The following VAMP7 variants were observed in gnomAD, a reference collection of about 807,000 sequenced individuals.
The protein encoded by VAMP7 is vesicle-associated membrane protein 7.
VAMP7 carries 14 observed loss-of-function variants against 29.6 expected under a neutral mutation model. The observed-to-expected ratio is 0.47, with a 90% CI of 0.31 to 0.74. The LOEUF (loss-of-function observed/expected upper bound fraction) is 0.74, where lower values mean the gene tolerates loss of function less well. Ranked by LOEUF, VAMP7 falls within the 30% of genes least tolerant of loss-of-function variation. The pLI, the probability that VAMP7 is intolerant of heterozygous loss-of-function variation, is 0.05. For synonymous variants in VAMP7, 95 were observed against 88.1 expected, an observed-to-expected ratio of 1.08 and a Z score of -0.44; for missense variants, 223 against 262.4, an observed-to-expected ratio of 0.85 and a Z score of 1.04.
intron 6 of VAMP7, among the ~76,000 whole-genome samples, chrX:155,930,953 A>T (rs1455968461): frequency 1.3e-5 from 2 of 151,970 alleles, no homozygotes; most frequent in African/African-American, 2.4e-5. Context: ...GAGTGAGAAC[A>T]TGTGGTGTTT....
intron 6 of VAMP7, among the ~76,000 whole-genome samples, chrX:155,925,900 G>T (rs374703722): frequency 5.3e-5 from 8 of 152,090 alleles, no homozygotes; most frequent in African/African-American, 1.9e-4. Context: ...GCATGAAAAC[G>T]ACATTTATCT....
chrX:155,902,044 T>G (rs2066070428), intron 5 of VAMP7, among the ~76,000 whole-genome samples: 1 of 152,150 alleles, frequency 6.6e-6, no homozygotes, highest in South Asian at 2.1e-4. Flanking sequence ...CTCTTTTATT[T>G]CACTGAGCAG....
chrX:155,928,279 T>C (rs188390711), intron 6 of VAMP7, among the ~76,000 whole-genome samples: 1 of 152,316 alleles, frequency 6.6e-6, no homozygotes, highest in Non-Finnish European at 1.5e-5. Context: ...TTTTTATATA[T>C]GGTTATTAGC....
chrX:155,911,850 G>GT (rs1303804781), intron 5 of VAMP7, among the ~76,000 whole-genome samples: 2 of 152,070 alleles, frequency 1.3e-5, no homozygotes, highest in Non-Finnish European at 2.9e-5. Context: ...AGATCTAGGA[G>GT]TTTTTTGGTG....
At chrX:155,894,127 C>T (rs1300179100) in intron 2 of VAMP7, among the ~76,000 whole-genome samples, 2 of 152,128 alleles carry the variant, frequency 1.3e-5, no homozygotes, top group Non-Finnish European at 2.9e-5. Flanking sequence ...CTGTCTCACG[C>T]CAGTCACCAA....
intron 6 of VAMP7, among the ~76,000 whole-genome samples, chrX:155,935,724 C>A (rs2066642199): frequency 6.6e-6 from 1 of 152,128 alleles, no homozygotes; most frequent in South Asian, 2.1e-4. Flanking sequence ...CTCTGTCTAC[C>A]TTTGTTCTGT....
intron 5 of VAMP7, among the ~76,000 whole-genome samples, chrX:155,904,146 A>G (rs1011542243): frequency 6.8e-6 from 1 of 146,306 alleles, no homozygotes; most frequent in African/African-American, 2.5e-5. Flanking sequence ...ATAGGTGAGA[A>G]TTGAACAATG....
chrX:155,940,475 G>C (rs2066727682), intron 7 of VAMP7, among the ~76,000 whole-genome samples: 1 of 152,158 alleles, frequency 6.6e-6, no homozygotes, highest in Admixed American at 6.5e-5. Flanking sequence ...TAATTGTCAT[G>C]GCCTTGAATG....
At chrX:155,898,838 T>C (rs1457430194) in intron 4 of VAMP7, among the ~76,000 whole-genome samples, 1 of 152,124 alleles carries the variant, frequency 6.6e-6, no homozygotes, top group African/African-American at 2.4e-5. Flanking sequence ...TTGTCTTTCA[T>C]AGAACTTTCT....
intron 6 of VAMP7, among the ~76,000 whole-genome samples, chrX:155,930,166 T>C (rs180841973): frequency 6.6e-6 from 1 of 151,768 alleles, no homozygotes; most frequent in Admixed American, 6.6e-5. Context: ...GTGTTCAGAG[T>C]TTTTATTGGG....
intron 2 of VAMP7, among the ~76,000 whole-genome samples, chrX:155,892,726 A>G (rs1009288089): frequency 6.8e-5 from 10 of 146,682 alleles, no homozygotes; most frequent in African/African-American, 2.3e-4. Flanking sequence ...TTCATATTGT[A>G]ACACTTTTCA....
Position 155,942,211 on chromosome X carries a change from T to C in VAMP7, c.*260T>C, listed in dbSNP as rs765397649. The C allele has an allele frequency of 1.3e-4, 192 of 1,503,024 alleles. No homozygotes were observed. Among genetic ancestry groups the C allele is most frequent in the Middle Eastern group, 1.7e-4 (1 of 5,774 alleles). 93.1% of individuals were successfully genotyped at this position (1,503,024 alleles called of 1,614,324 possible). A position where few individuals can be genotyped will look rare whatever the true frequency, so the allele number is the denominator to read the frequency against. On this transcript the variant is annotated 3_prime_UTR_variant, in exon 8 of 8. Coordinates refer to ENST00000286448, the MANE Select transcript of VAMP7 (RefSeq NM_005638.6). ...TTGTTTATTTCTTTGGTTTGTTAACTAGTGTCATCTATTTAGAGAAACATT... is the reference window on the plus strand; with the variant it reads ...TTGTTTATTTCTTTGGTTTGTTAACCAGTGTCATCTATTTAGAGAAACATT...
At chrX:155,911,618 C>T (rs1400476643) in intron 5 of VAMP7, among the ~76,000 whole-genome samples, 1 of 151,932 alleles carries the variant, frequency 6.6e-6, no homozygotes, top group Admixed American at 6.6e-5. Context: ...GTGTCATCTT[C>T]AGTTTTTTTC....
At chrX:155,909,111 G>A (rs2066195973) in intron 5 of VAMP7, among the ~76,000 whole-genome samples, 1 of 152,152 alleles carries the variant, frequency 6.6e-6, no homozygotes, top group Non-Finnish European at 1.5e-5. Context: ...ACAGGCATGA[G>A]CCTCCATGCC....
At chrX:155,931,469 G>A (rs755972918) in intron 6 of VAMP7, among the ~76,000 whole-genome samples, 1 of 152,164 alleles carries the variant, frequency 6.6e-6, no homozygotes, top group African/African-American at 2.4e-5. Context: ...CAGTGATGAT[G>A]AGCATTTTTT....
At position 155,933,824 on chromosome X, in the gene VAMP7, T is replaced by C. The variant is rs1367082965; in HGVS notation, c.502-5877T>C. On this transcript the variant is annotated intron_variant, in intron 6 of 7. Transcript: ENST00000286448. ...CAATTTTATATCTTTCCTGCTTCCT[T>C]TTGTGGGCATTTAGTGCTATAAATT... Among the ~76,000 whole-genome samples, 766 of 152,188 alleles carry C rather than the reference T, an allele frequency of 5.0e-3. 5 individuals are homozygous for C. The highest frequency in any genetic ancestry group is 0.017 in the African/African-American group (711 of 41,504).
chrX:155,928,830 G>C (rs776936677), intron 6 of VAMP7, among the ~76,000 whole-genome samples: 5 of 152,278 alleles, frequency 3.3e-5, no homozygotes, highest in Admixed American at 2.6e-4. Context: ...CCTGAGAGTG[G>C]TGGAGGAATC....
At chrX:155,904,206 G>T (rs972174997) in intron 5 of VAMP7, among the ~76,000 whole-genome samples, 1 of 125,278 alleles carries the variant, frequency 8.0e-6, no homozygotes, top group African/African-American at 3.0e-5. Flanking sequence ...GGACTGTTGT[G>T]GGGTGGGGGG....
intron 5 of VAMP7, among the ~76,000 whole-genome samples, chrX:155,907,658 C>T (rs1244208000): frequency 6.6e-6 from 1 of 152,002 alleles, no homozygotes; most frequent in East Asian, 1.9e-4. Flanking sequence ...AATGAAAAGT[C>T]TCCCATGTCT....
Sources: allele counts gnomAD v4.1 joint callset (sites outside exome capture counted in the v4.1 genomes callset), GRCh38; gene constraint gnomAD v4.1.1; transcripts MANE v1.5; gene names NCBI Gene and HGNC (gene_info 2026-07-23, HGNC 2026-07-21).